The following SH3KBP1 variants were observed in gnomAD, a reference collection of about 807,000 sequenced individuals.
SH3KBP1 encodes SH3 domain-containing kinase-binding protein 1.
A neutral mutation model predicts 50.1 loss-of-function variants in SH3KBP1; 8 were observed. The observed-to-expected ratio is 0.16, with a 90% CI of 0.09 to 0.29. The LOEUF is 0.29. SH3KBP1 is among the 10% of genes least tolerant of loss of function. The pLI is 1.00. For missense variants in SH3KBP1, 377 were observed against 535.2 expected, an observed-to-expected ratio of 0.70 and a Z score of 2.92; for synonymous variants, 227 against 218.6, an observed-to-expected ratio of 1.04 and a Z score of -0.34.
intron 4 of SH3KBP1, among the ~76,000 whole-genome samples, chrX:19,701,620 A>G (rs906190702): frequency 3.6e-5 from 4 of 111,809 alleles, no homozygotes; most frequent in African/African-American, 1.3e-4. Context: ...CCTATTCTAC[A>G]AAGCATCTTC....
At chrX:19,755,283 C>T (rs2065179013) in intron 2 of SH3KBP1, among the ~76,000 whole-genome samples, 1 of 111,903 alleles carries the variant, frequency 8.9e-6, no homozygotes, top group African/African-American at 3.3e-5. Context: ...GCAGGAGCAT[C>T]GCTTGAACCC....
chrX:19,871,428 T>C (rs901074859), intron 1 of SH3KBP1, among the ~76,000 whole-genome samples: 1 of 112,796 alleles, frequency 8.9e-6, no homozygotes, highest in African/African-American at 3.2e-5. Flanking sequence ...TCAGGTTATG[T>C]TCACAATTTG....
intron 12 of SH3KBP1, among the ~76,000 whole-genome samples, chrX:19,587,222 CAAAA>C (rs762405835): frequency 2.7e-5 from 1 of 36,747 alleles, no homozygotes. Flanking sequence ...AACTCTGCCT[CAAAA>C]AAAAAAAAAA....
chrX:19,545,966 C>T lies in SH3KBP1; in HGVS notation c.1579G>A (p.Val527Met). The T allele has an allele frequency of 8.3e-7, 1 of 1,211,128 alleles. No individual in the cohort carries two copies. Among genetic ancestry groups the T allele is most frequent in the South Asian group, 1.8e-5 (1 of 56,950 alleles). Residue 527 changes from valine to methionine, a missense_variant, in exon 15 of 18, where the codon GTG becomes ATG. This residue lies in a region of SH3KBP1 where 110 missense variants were observed against 124.1 expected (regional missense o/e 0.89). Transcript: ENST00000397821. ...EEHISLAHRG[V>M]DASKKTSKTV... The stretch of plus-strand genomic sequence containing the variant: ...TTGGAAGTTTTCTTTGACGCGTCCA[C>T]TCCTCTGTGCGCAAGTGAAATGTGT...
intron 1 of SH3KBP1, among the ~76,000 whole-genome samples, chrX:19,874,697 G>A (rs1263126729): frequency 6.7e-5 from 7 of 104,543 alleles, no homozygotes; most frequent in Non-Finnish European, 1.2e-4. Context: ...AGCAGAAGTG[G>A]GGAGGGTCAG....
intron 2 of SH3KBP1, among the ~76,000 whole-genome samples, chrX:19,790,052 C>T (rs1200087419): frequency 9.4e-6 from 1 of 106,578 alleles, no homozygotes. Flanking sequence ...CTAAGAGGCC[C>T]AGCCTGAGGC....
chrX:19,672,790 C>T (rs1873739186), intron 6 of SH3KBP1, among the ~76,000 whole-genome samples: 1 of 111,212 alleles, frequency 9.0e-6, no homozygotes, highest in African/African-American at 3.3e-5. Context: ...GGCATGGTGG[C>T]TCACGCCTGT....
chrX:19,588,866 T>C, intron 11 of SH3KBP1, 64 bp from the exon 12 acceptor site: 2 of 913,788 alleles, frequency 2.2e-6, no homozygotes, highest in Non-Finnish European at 2.9e-6. Context: ...TAGATGCAGA[T>C]CACTCATTTC....
intron 2 of SH3KBP1, among the ~76,000 whole-genome samples, chrX:19,781,714 T>G (rs1293287723): frequency 9.0e-6 from 1 of 110,696 alleles, no homozygotes; most frequent in Non-Finnish European, 1.9e-5. Flanking sequence ...GAATGGGAAT[T>G]AACAATAAAT....
intron 6 of SH3KBP1, 87 bp from the exon 7 acceptor site, chrX:19,645,562 G>T: frequency 1.3e-6 from 1 of 771,439 alleles, no homozygotes; most frequent in Non-Finnish European, 2.0e-6. Context: ...ATGACAAAAT[G>T]CTCGAAATTG....
chrX:19,819,320 C>A (rs1350443802), intron 2 of SH3KBP1, among the ~76,000 whole-genome samples: 1 of 110,895 alleles, frequency 9.0e-6, no homozygotes, highest in Non-Finnish European at 1.9e-5. Context: ...AGAGGTTTAC[C>A]CATTTTATTG....
intron 6 of SH3KBP1, among the ~76,000 whole-genome samples, chrX:19,683,551 T>C (rs1413614467): frequency 9.0e-6 from 1 of 111,155 alleles, no homozygotes; most frequent in East Asian, 2.8e-4. Context: ...GGGAAGCAGA[T>C]AGAGAAGTAC....
intron 1 of SH3KBP1, among the ~76,000 whole-genome samples, chrX:19,836,655 TC>T (rs1303945959): frequency 1.8e-5 from 2 of 111,277 alleles, no homozygotes; most frequent in Non-Finnish European, 3.8e-5. Flanking sequence ...GGGTCTCCCA[TC>T]CCCCGCCAAT....
chrX:19,773,854 T>G (rs2065873891), intron 2 of SH3KBP1, among the ~76,000 whole-genome samples: 1 of 47,458 alleles, frequency 2.1e-5, no homozygotes, highest in Admixed American at 3.8e-4. Flanking sequence ...AGACTCCGGC[T>G]CGAAAAAAAA....
At chrX:19,634,131 CGAGAGACACA>C (rs1480874493) in intron 7 of SH3KBP1, among the ~76,000 whole-genome samples, 42 of 66,208 alleles carry the variant, frequency 6.3e-4, no homozygotes, top group Non-Finnish European at 1.0e-3. Context: ...ACGGAGAGAC[CGAGAGACACA>C]GAGAGACACA....
At chrX:19,730,073 A>C (rs2064331682) in intron 3 of SH3KBP1, among the ~76,000 whole-genome samples, 1 of 111,574 alleles carries the variant, frequency 9.0e-6, no homozygotes, top group South Asian at 3.7e-4. Flanking sequence ...TCAAAAGTAA[A>C]TTACAAAGGA....
chrX:19,875,852 G>A (rs1324022951), intron 1 of SH3KBP1, among the ~76,000 whole-genome samples: 1 of 112,729 alleles, frequency 8.9e-6, no homozygotes, highest in African/African-American at 3.2e-5. Context: ...AGGGCACACT[G>A]GGCAGCTGGC....
intron 6 of SH3KBP1, among the ~76,000 whole-genome samples, chrX:19,646,919 T>C (rs755295674): frequency 1.8e-5 from 2 of 112,296 alleles, no homozygotes; most frequent in East Asian, 2.8e-4. Context: ...CTCAAACTAA[T>C]AACATTTGAT....
At chrX:19,637,441 C>T (rs1203796334) in intron 7 of SH3KBP1, among the ~76,000 whole-genome samples, 1 of 111,831 alleles carries the variant, frequency 8.9e-6, no homozygotes, top group Non-Finnish European at 1.9e-5. Flanking sequence ...CAGTGTTGAC[C>T]AGACAACAGT....
Sources: allele counts gnomAD v4.1 joint callset (sites outside exome capture counted in the v4.1 genomes callset), GRCh38; gene constraint gnomAD v4.1.1; regional missense constraint gnomAD v4.1.1; transcripts MANE v1.5; gene names NCBI Gene and HGNC (gene_info 2026-07-23, HGNC 2026-07-21).